Variants in LHFPL3 observed in about 807,000 individuals in gnomAD.
The protein encoded by LHFPL3 is LHFPL tetraspan subfamily member 3 protein.
A neutral mutation model predicts 19.3 loss-of-function variants in LHFPL3; 5 were observed. That is an observed-to-expected ratio of 0.26 (90% CI 0.14 to 0.54). The LOEUF (loss-of-function observed/expected upper bound fraction) is 0.54, where lower values mean the gene tolerates loss of function less well. LHFPL3 is among the 20% of genes least tolerant of loss of function. The pLI, the probability that LHFPL3 is intolerant of heterozygous loss-of-function variation, is 0.94. For synonymous variants in LHFPL3, 133 were observed against 126.2 expected (o/e 1.05, Z -0.36); for missense variants, 249 against 307.4 (o/e 0.81, Z 1.42).
Position 104,906,356 on chromosome 7 carries a change from C to A in LHFPL3, c.*141C>A. 4.1e-6 allele frequency: 4 copies of A among 978,104 alleles called. No individual in the cohort carries two copies. In the South Asian group the frequency reaches 6.7e-5, roughly 16 times the overall value. 60.6% of individuals were successfully genotyped at this position (978,104 alleles called of 1,614,324 possible). A position where few individuals can be genotyped will look rare whatever the true frequency, so the allele number is the denominator to read the frequency against. On this transcript the variant is annotated 3_prime_UTR_variant, in exon 3 of 3. Transcript: ENST00000424859. ...TAGATGAATATGAACAAGAATGGAA[C>A]ATTCACTTGTCAACGCACTTTCTAA...
intron 1 of LHFPL3, among the ~76,000 whole-genome samples, chr7:104,565,579 T>A (rs1157947350): frequency 6.6e-6 from 1 of 152,160 alleles, no homozygotes; most frequent in Non-Finnish European, 1.5e-5. Flanking sequence ...CCTAGGTAAA[T>A]ACTAATTTAA....
chr7:104,826,374 G>T, intron 2 of LHFPL3: 1 of 159,340 alleles, frequency 6.3e-6, no homozygotes. Flanking sequence ...CAAAAGAAGA[G>T]AAGCAGCCCT....
intron 1 of LHFPL3, among the ~76,000 whole-genome samples, chr7:104,571,656 G>A (rs1443813987): frequency 6.6e-6 from 1 of 152,134 alleles, no homozygotes; most frequent in Non-Finnish European, 1.5e-5. Context: ...TCCCTGTTAT[G>A]TTCACTGATT....
chr7:104,506,071 C>T (rs1450090317), intron 1 of LHFPL3, among the ~76,000 whole-genome samples: 1 of 151,006 alleles, frequency 6.6e-6, no homozygotes, highest in Non-Finnish European at 1.5e-5. Context: ...GGCTGGAGTG[C>T]AGTGACACGA....
At chr7:104,355,702 TC>T (rs1419333917) in intron 1 of LHFPL3, among the ~76,000 whole-genome samples, 1 of 152,066 alleles carries the variant, frequency 6.6e-6, no homozygotes, top group Non-Finnish European at 1.5e-5. Context: ...CCATTGTAGC[TC>T]CCCCAAAAAG....
intron 1 of LHFPL3, among the ~76,000 whole-genome samples, chr7:104,504,391 A>G (rs1051961568): frequency 1.3e-5 from 2 of 152,170 alleles, no homozygotes; most frequent in Non-Finnish European, 2.9e-5. Context: ...TTTTACTCCA[A>G]TTTTTAATGT....
At chr7:104,592,484 G>A (rs111255073) in intron 1 of LHFPL3, among the ~76,000 whole-genome samples, 29,932 of 151,396 alleles carry the variant, frequency 0.2, 3,459 homozygotes, top group South Asian at 0.4. Context: ...TCTCAGAGGA[G>A]CACCCAGCTG....
chr7:104,681,309 T>C (rs1276923571), intron 1 of LHFPL3, among the ~76,000 whole-genome samples: 2 of 152,030 alleles, frequency 1.3e-5, no homozygotes, highest in Non-Finnish European at 2.9e-5. Context: ...TTGGCACTAG[T>C]CATGTGTTCA....
chr7:104,430,434 A>ATATACACG (rs1562895285), intron 1 of LHFPL3, among the ~76,000 whole-genome samples: 7 of 14,330 alleles, frequency 4.9e-4, no homozygotes, highest in Non-Finnish European at 8.0e-4. Flanking sequence ...ATATATATAT[A>ATATACACG]TATATATATA....
At chr7:104,514,688 T>C (rs1463062131) in intron 1 of LHFPL3, among the ~76,000 whole-genome samples, 1 of 152,182 alleles carries the variant, frequency 6.6e-6, no homozygotes, top group Non-Finnish European at 1.5e-5. Flanking sequence ...CAAACCTGAT[T>C]GCAAATTAGA....
At chr7:104,679,040 C>T (rs1453909979) in intron 1 of LHFPL3, among the ~76,000 whole-genome samples, 3 of 152,220 alleles carry the variant, frequency 2.0e-5, no homozygotes, top group Non-Finnish European at 4.4e-5. Context: ...AACTTCGCAA[C>T]TTAAAACATT....
Position 104,651,418 on chromosome 7 carries a change from T to G in LHFPL3, c.446-85257T>G, listed in dbSNP as rs369303374. Reference sequence around the variant, plus strand: ...AGGATTAACGATCCCTGAGGAAATATGTTTGTGCGCAGCCCTGGATCCTGG... The same window carrying G: ...AGGATTAACGATCCCTGAGGAAATAGGTTTGTGCGCAGCCCTGGATCCTGG... On this transcript the variant is annotated intron_variant, in intron 1 of 2. Coordinates refer to ENST00000424859, the MANE Select transcript of LHFPL3 (RefSeq NM_199000.3). Among the ~76,000 whole-genome samples, 166 of 152,304 alleles carry G rather than the reference T, an allele frequency of 1.1e-3. 1 individual carries two copies. Among genetic ancestry groups the G allele is most frequent in the Middle Eastern group, 6.8e-3 (2 of 294 alleles).
intron 1 of LHFPL3, among the ~76,000 whole-genome samples, chr7:104,581,762 T>C (rs1035712313): frequency 1.3e-5 from 2 of 152,018 alleles, no homozygotes; most frequent in African/African-American, 4.8e-5. Flanking sequence ...TTGAATTATT[T>C]TGGCATGTCT....
At chr7:104,892,460 C>G (rs1217732390) in intron 2 of LHFPL3, among the ~76,000 whole-genome samples, 2 of 152,058 alleles carry the variant, frequency 1.3e-5, no homozygotes, top group African/African-American at 2.4e-5. Context: ...CACCTGTAAT[C>G]CTAGCACTTT....
chr7:104,581,379 A>G (rs186100037), intron 1 of LHFPL3, among the ~76,000 whole-genome samples: 4 of 152,120 alleles, frequency 2.6e-5, no homozygotes, highest in South Asian at 2.1e-4. Flanking sequence ...TTTGCCAAGC[A>G]TGTTTTTACA....
chr7:104,904,405 C>A (rs1303636752), intron 2 of LHFPL3, among the ~76,000 whole-genome samples: 4 of 152,204 alleles, frequency 2.6e-5, no homozygotes, highest in African/African-American at 9.6e-5. Flanking sequence ...AATCCCAACA[C>A]TTTGGGAGGC....
intron 1 of LHFPL3, among the ~76,000 whole-genome samples, chr7:104,591,922 G>C (rs1790733278): frequency 6.6e-6 from 1 of 152,114 alleles, no homozygotes; most frequent in African/African-American, 2.4e-5. Context: ...ACTGAAGCTT[G>C]TGCATTCATC....
intron 1 of LHFPL3, among the ~76,000 whole-genome samples, chr7:104,461,524 C>T (rs547897541): frequency 6.6e-6 from 1 of 152,100 alleles, no homozygotes; most frequent in Non-Finnish European, 1.5e-5. Flanking sequence ...AAGTATGCAG[C>T]CTTATTTTGG....
At chr7:104,727,595 T>A (rs1187751893) in intron 1 of LHFPL3, among the ~76,000 whole-genome samples, 1 of 152,178 alleles carries the variant, frequency 6.6e-6, no homozygotes, top group African/African-American at 2.4e-5. Flanking sequence ...TCAACAGCTA[T>A]GAAAGTGCAG....
Sources: allele counts gnomAD v4.1 joint callset (sites outside exome capture counted in the v4.1 genomes callset), GRCh38; gene constraint gnomAD v4.1.1; transcripts MANE v1.5; gene names NCBI Gene and HGNC (gene_info 2026-07-23, HGNC 2026-07-21).